The following ZNF475 variants were observed in gnomAD, a reference collection of about 807,000 sequenced individuals.
The protein encoded by ZNF475 is zinc finger protein 475.
At chr5:122,165,387 A>G in the ZNF475 span, among the ~76,000 whole-genome samples, 3,636 of 152,312 alleles carry the variant, frequency 0.024, 160 homozygotes, top group African/African-American at 0.083. Context: ...GACAAAGTAC[A>G]CATTGACATA....
the ZNF475 span, among the ~76,000 whole-genome samples, chr5:122,161,918 C>T: frequency 6.6e-6 from 1 of 151,834 alleles, no homozygotes; most frequent in South Asian, 2.1e-4. Context: ...CACCTTCCAA[C>T]TATGTTCTTC....
the ZNF475 span, among the ~76,000 whole-genome samples, chr5:122,170,376 A>T: frequency 6.6e-6 from 1 of 152,180 alleles, no homozygotes; most frequent in Non-Finnish European, 1.5e-5. Context: ...CTTGGCTAAA[A>T]ACTGGATTTC....
chr5:122,170,454 C>T, the ZNF475 span, among the ~76,000 whole-genome samples: 2 of 152,142 alleles, frequency 1.3e-5, no homozygotes, highest in African/African-American at 4.8e-5. Flanking sequence ...AACACTTCAT[C>T]GTGTTATTTA....
the ZNF475 span, among the ~76,000 whole-genome samples, chr5:122,172,189 A>T: frequency 6.6e-6 from 1 of 152,170 alleles, no homozygotes; most frequent in Non-Finnish European, 1.5e-5. Flanking sequence ...AAAGAGGATC[A>T]GGGGTAGAGT....
the ZNF475 span, among the ~76,000 whole-genome samples, chr5:122,179,186 G>T: frequency 6.6e-6 from 1 of 152,046 alleles, no homozygotes; most frequent in East Asian, 1.9e-4. Context: ...TTCCAGCTTT[G>T]TTCTTCTTTT....
the ZNF475 span, among the ~76,000 whole-genome samples, chr5:122,168,683 A>G: frequency 1.3e-5 from 2 of 152,212 alleles, no homozygotes; most frequent in African/African-American, 4.8e-5. Flanking sequence ...ACTGCACTGC[A>G]GGCTGGGCAC....
the ZNF475 span, among the ~76,000 whole-genome samples, chr5:122,168,071 GTC>G: frequency 1.3e-5 from 2 of 152,280 alleles, no homozygotes; most frequent in Admixed American, 1.3e-4. Flanking sequence ...TTGAGACGGA[GTC>G]TCAGTCTGTT....
At chr5:122,175,643 A>G in the ZNF475 span, among the ~76,000 whole-genome samples, 137 of 152,310 alleles carry the variant, frequency 9.0e-4, 1 homozygote, top group African/African-American at 3.2e-3. Flanking sequence ...AAGTCCATGT[A>G]TGTGAGCACC....
the ZNF475 span, among the ~76,000 whole-genome samples, chr5:122,177,776 G>T: frequency 6.6e-6 from 1 of 151,586 alleles, no homozygotes; most frequent in African/African-American, 2.4e-5. Flanking sequence ...TTTAAGTTCT[G>T]GGATACGTGT....
the ZNF475 span, among the ~76,000 whole-genome samples, chr5:122,168,954 G>A: frequency 6.6e-6 from 1 of 152,130 alleles, no homozygotes; most frequent in South Asian, 2.1e-4. Flanking sequence ...TGAAGTCTGG[G>A]ATCTGGACCA....
the ZNF475 span, among the ~76,000 whole-genome samples, chr5:122,167,357 T>C: frequency 8.5e-5 from 13 of 152,194 alleles, no homozygotes; most frequent in Non-Finnish European, 1.9e-4. Flanking sequence ...GAAAAAAAAG[T>C]CTTGATAAAA....
the ZNF475 span, among the ~76,000 whole-genome samples, chr5:122,169,625 C>T: frequency 6.6e-6 from 1 of 152,232 alleles, no homozygotes; most frequent in South Asian, 2.1e-4. Flanking sequence ...CATAAAATTA[C>T]TGACATCATA....
chr5:122,180,670 C>T, the ZNF475 span, among the ~76,000 whole-genome samples: 1 of 152,094 alleles, frequency 6.6e-6, no homozygotes, highest in African/African-American at 2.4e-5. Context: ...TCCTATGTAA[C>T]CGTAGATTTG....
the ZNF475 span, among the ~76,000 whole-genome samples, chr5:122,166,566 C>T: frequency 1.3e-5 from 2 of 152,132 alleles, no homozygotes; most frequent in Non-Finnish European, 2.9e-5. Flanking sequence ...TTGTTCAATT[C>T]CCACCTATGA....
chr5:122,160,721 A>G, the ZNF475 span, among the ~76,000 whole-genome samples: 1 of 152,236 alleles, frequency 6.6e-6, no homozygotes, highest in South Asian at 2.1e-4. Flanking sequence ...GCGTAAAATG[A>G]ACAAAAACCA....
the ZNF475 span, among the ~76,000 whole-genome samples, chr5:122,173,810 T>C: frequency 2.6e-5 from 4 of 152,268 alleles, no homozygotes; most frequent in Non-Finnish European, 4.4e-5. Context: ...TAGATTTTTA[T>C]GCACACTTAC....
chr5:122,168,538 C>G, the ZNF475 span, among the ~76,000 whole-genome samples: 6 of 152,234 alleles, frequency 3.9e-5, no homozygotes, highest in South Asian at 1.2e-3. Flanking sequence ...CGGTGAAACC[C>G]CGTCTCTACT....
chr5:122,178,844 T>C, the ZNF475 span, among the ~76,000 whole-genome samples: 1 of 152,234 alleles, frequency 6.6e-6, no homozygotes, highest in Non-Finnish European at 1.5e-5. Flanking sequence ...GCCTAGGTTT[T>C]CTTCTAGGGT....
At chr5:122,163,951 C>CT in the ZNF475 span, among the ~76,000 whole-genome samples, 9,708 of 146,326 alleles carry the variant, frequency 0.066, 401 homozygotes, top group Middle Eastern at 0.16. Flanking sequence ...TCTGTGTCAC[C>CT]TTTTTTTTTT....
Sources: gnomAD v4.1 joint callset for allele counts (sites outside exome capture counted in the v4.1 genomes callset) on GRCh38, gnomAD v4.1.1 for gene constraint, MANE v1.5 for transcripts, NCBI Gene and HGNC (gene_info 2026-07-23, HGNC 2026-07-21) for gene names.